Variants in TBC1D15 observed in about 807,000 individuals in gnomAD.
The protein encoded by TBC1D15 is TBC1 domain family member 15.
Under a neutral mutation model 95.4 loss-of-function variants are expected in TBC1D15, and 39 were observed. The ratio of observed to expected loss-of-function variants is 0.41; its 90% confidence interval spans 0.32 to 0.53. The LOEUF is 0.53. Among genes scored for constraint, TBC1D15 ranks in the 20% least tolerant of loss-of-function variants. The probability of loss-of-function intolerance (pLI) is 0.29; values close to 1 mark genes in which losing one functional copy is unlikely to be tolerated. For missense variants in TBC1D15, 733 were observed against 794.3 expected, an observed-to-expected ratio of 0.92 and a Z score of 0.93; for synonymous variants, 258 against 261.3, an observed-to-expected ratio of 0.99 and a Z score of 0.12.
chr12:71,894,241 G>T, intron 6 of TBC1D15: 2 of 1,061,740 alleles, frequency 1.9e-6, no homozygotes, highest in Non-Finnish European at 2.9e-6. Flanking sequence ...ATTTAAATAT[G>T]AGTTTTTAAA....
chr12:71,891,577 T>C (rs995388268), intron 5 of TBC1D15, among the ~76,000 whole-genome samples: 1 of 152,188 alleles, frequency 6.6e-6, no homozygotes, highest in Non-Finnish European at 1.5e-5. Flanking sequence ...AACAGTATAC[T>C]ACTTGTCCTT....
intron 1 of TBC1D15, among the ~76,000 whole-genome samples, chr12:71,861,100 CA>C (rs1890271405): frequency 1.3e-5 from 2 of 151,960 alleles, no homozygotes; most frequent in South Asian, 4.1e-4. Context: ...TGCTGGATTC[CA>C]CTTATTAGTA....
At chr12:71,845,360 T>G (rs1260337856) in intron 1 of TBC1D15, among the ~76,000 whole-genome samples, 2 of 152,178 alleles carry the variant, frequency 1.3e-5, no homozygotes, top group Non-Finnish European at 2.9e-5. Flanking sequence ...AATGTTATTT[T>G]AGTGACTTAG....
At chr12:71,850,269 A>G (rs535494198) in intron 1 of TBC1D15, 861 of 515,440 alleles carry the variant, frequency 1.7e-3, no homozygotes, top group Non-Finnish European at 2.2e-3. Context: ...TTCTCTGTCA[A>G]ATTTTGTCAT....
At chr12:71,911,947 A>G (rs189078773) in intron 11 of TBC1D15, among the ~76,000 whole-genome samples, 3 of 152,268 alleles carry the variant, frequency 2.0e-5, no homozygotes, top group Admixed American at 2.0e-4. Context: ...TTTATTCATT[A>G]TAACTTAATA....
intron 1 of TBC1D15, among the ~76,000 whole-genome samples, chr12:71,848,755 T>C (rs188532474): frequency 2.2e-4 from 33 of 152,310 alleles, no homozygotes; most frequent in African/African-American, 7.7e-4. Context: ...GGTTAATACA[T>C]AGAGTGCTAG....
rs1894481582 is a variant in TBC1D15, at chr12:71,878,662, C to A, written c.205-1807C>A. 2.0e-5 allele frequency among the ~76,000 whole-genome samples: 3 copies of A among 151,210 alleles called. No homozygotes were observed. In the South Asian group the frequency reaches 6.3e-4, roughly 32 times the overall value. ...TCCCAAGTAGCTGGGATTACAGGCA[C>A]CCCCCACCACTCCCGGCTAATTTTT... On this transcript the variant is annotated intron_variant, in intron 3 of 16. Coordinates refer to ENST00000485960, the MANE Select transcript of TBC1D15 (RefSeq NM_001146213.3).
chr12:71,865,238 C>CA (rs1198620973), intron 1 of TBC1D15, among the ~76,000 whole-genome samples: 1 of 152,188 alleles, frequency 6.6e-6, no homozygotes, highest in African/African-American at 2.4e-5. Flanking sequence ...AGGTTGCCCA[C>CA]AGAGCCAGGA....
At chr12:71,917,590 T>C in intron 12 of TBC1D15, 108 bp from the exon 13 acceptor site, 1 of 607,842 alleles carries the variant, frequency 1.6e-6, no homozygotes, top group Non-Finnish European at 2.7e-6. Context: ...ATTACCAGTG[T>C]GGTATAAGTT....
At chr12:71,852,846 C>T (rs949578196) in intron 1 of TBC1D15, among the ~76,000 whole-genome samples, 4 of 152,198 alleles carry the variant, frequency 2.6e-5, no homozygotes, top group African/African-American at 9.6e-5. Flanking sequence ...TTGGTCACAA[C>T]CGTTCAACCA....
intron 1 of TBC1D15, chr12:71,849,331 A>G (rs547952436): frequency 2.2e-5 from 28 of 1,247,114 alleles, no homozygotes; most frequent in Non-Finnish European, 3.3e-5. Context: ...GGAGGCTATC[A>G]TAGGAGGCAA....
Position 71,913,915 on chromosome 12 carries a change from A to G in TBC1D15, c.1390A>G (p.Met464Val), listed in dbSNP as rs773712195. 2.4e-5 allele frequency: 38 copies of G among 1,587,478 alleles called. No individual in the cohort carries two copies. Among genetic ancestry groups the G allele is most frequent in the Admixed American group, 5.6e-5 (3 of 53,896 alleles). ...VDAFWCFASY[M>V]DQMHQNFEEQ... ...TGCCTTTTGGTGCTTTGCCTCTTAC[A>G]TGGACCAAATGGTAAGAACAGAGAT... The change falls in exon 12 of 17, where the codon ATG (methionine) becomes GTG (valine). Residue 464 changes from methionine to valine, a missense_variant. Met to Val is a conservative substitution (Grantham distance 21). Transcript: ENST00000485960.
intron 5 of TBC1D15, among the ~76,000 whole-genome samples, chr12:71,890,703 C>T (rs368773229): frequency 9.2e-5 from 14 of 152,264 alleles, no homozygotes; most frequent in African/African-American, 2.6e-4. Flanking sequence ...ACAACCCGAT[C>T]TAGTCAGTGC....
chr12:71,851,390 C>T (rs543113660), intron 1 of TBC1D15, among the ~76,000 whole-genome samples: 10 of 152,138 alleles, frequency 6.6e-5, no homozygotes, highest in African/African-American at 2.4e-4. Context: ...CCATATCATT[C>T]CTCTTCTGGC....
At chr12:71,856,446 C>G (rs61924142) in intron 1 of TBC1D15, among the ~76,000 whole-genome samples, 16,627 of 152,134 alleles carry the variant, frequency 0.11, 1,073 homozygotes, top group African/African-American at 0.16. Context: ...TGGGAGGAGT[C>G]TCCAACATGT....
Position 71,893,257 on chromosome 12 carries a change from G to T in TBC1D15, c.590G>T (p.Cys197Phe). 6.2e-7 allele frequency: 1 copy of T among 1,606,542 alleles called. No homozygotes were observed. The highest frequency in any genetic ancestry group is 8.5e-7 in the Non-Finnish European group (1 of 1,176,606). The change falls in exon 6 of 17, where the codon TGT becomes TTT. Residue 197 changes from cysteine (C) to phenylalanine (F), a missense_variant. Coordinates refer to ENST00000485960, the MANE Select transcript of TBC1D15 (RefSeq NM_001146213.3). Reference sequence around the variant, plus strand: ...GATAAAAGAACACTTCTTGTGAATTGTCAGAATAAGAGTCTTTCACAGTCT... The same window carrying T: ...GATAAAAGAACACTTCTTGTGAATTTTCAGAATAAGAGTCTTTCACAGTCT... Reference protein sequence around the residue: ...PQDKRTLLVNCQNKSLSQSFE... With the variant: ...PQDKRTLLVNFQNKSLSQSFE...
chr12:71,906,948 A>G (rs200646303), intron 10 of TBC1D15, 74 bp from the exon 11 acceptor site: 200 of 875,054 alleles, frequency 2.3e-4, no homozygotes, highest in Non-Finnish European at 3.1e-4. Flanking sequence ...ATGACTCTGT[A>G]CTTGTAAGAT....
At chr12:71,888,340 G>A (rs780724608) in intron 5 of TBC1D15, among the ~76,000 whole-genome samples, 1 of 151,768 alleles carries the variant, frequency 6.6e-6, no homozygotes, top group African/African-American at 2.4e-5. Context: ...AAGAAAGCCA[G>A]CTGTAATCCC....
At chr12:71,845,991 G>A (rs1886174944) in intron 1 of TBC1D15, among the ~76,000 whole-genome samples, 1 of 151,636 alleles carries the variant, frequency 6.6e-6, no homozygotes, top group South Asian at 2.1e-4. Context: ...ATTTTTTCCA[G>A]CTCTTTGTGT....
Sources: gnomAD v4.1 joint callset for allele counts (sites outside exome capture counted in the v4.1 genomes callset) on GRCh38, gnomAD v4.1.1 for gene constraint, MANE v1.5 for transcripts, NCBI Gene and HGNC (gene_info 2026-07-23, HGNC 2026-07-21) for gene names.